The following HRH1 variants were observed in gnomAD, a reference collection of about 807,000 sequenced individuals.
The protein encoded by HRH1 is histamine receptor H1.
In HRH1, 6 loss-of-function variants were observed where a neutral mutation model predicts 10.3. The observed-to-expected ratio is 0.58, with a 90% CI of 0.32 to 1.15. HRH1 has a LOEUF of 1.15. HRH1 is among the 50% of genes most tolerant of loss of function. HRH1 has a pLI of 0.05. For missense variants in HRH1, 514 were observed against 615.3 expected, an observed-to-expected ratio of 0.84 and a Z score of 1.74; for synonymous variants, 242 against 236.7, an observed-to-expected ratio of 1.02 and a Z score of -0.21.
chr3:11,230,072 C>T (rs1341784358), intron 1 of HRH1, among the ~76,000 whole-genome samples: 8 of 151,998 alleles, frequency 5.3e-5, no homozygotes, highest in Non-Finnish European at 1.0e-4. Flanking sequence ...AGTCAGCCTC[C>T]AAAGGATGAA....
intron 1 of HRH1, among the ~76,000 whole-genome samples, chr3:11,146,329 T>C (rs1160949655): frequency 6.6e-6 from 1 of 152,188 alleles, no homozygotes; most frequent in Non-Finnish European, 1.5e-5. Flanking sequence ...TACCTCCCCC[T>C]GTTTTAGGCT....
At position 11,260,163 on chromosome 3, in the gene HRH1, T is replaced by C. The variant is rs1191535390; in HGVS notation, c.1126T>C (p.Leu376=). The part of the protein sequence containing the change: ...TTETAPGKGK[L]RSGSNTGLDY... Reference sequence around the variant, plus strand: ...AGAGACAGCACCAGGCAAAGGCAAATTGAGGAGTGGGTCTAACACAGGCCT... The same window carrying C: ...AGAGACAGCACCAGGCAAAGGCAAACTGAGGAGTGGGTCTAACACAGGCCT... Residue 376 remains leucine (L), a synonymous_variant, in exon 2 of 2, where the codon TTG becomes CTG. Transcript: ENST00000431010. The C allele has an allele frequency of 4.3e-6, 7 of 1,613,602 alleles. No individual in the cohort carries two copies. Among genetic ancestry groups the C allele is most frequent in the African/African-American group, 1.3e-5 (1 of 74,824 alleles).
intron 1 of HRH1, among the ~76,000 whole-genome samples, chr3:11,217,227 A>G (rs573892912): frequency 6.7e-6 from 1 of 148,648 alleles, no homozygotes; most frequent in African/African-American, 2.4e-5. Flanking sequence ...AAAAAAAAAA[A>G]CAGAAAGAAA....
At chr3:11,237,206 C>T (rs907163208) in intron 1 of HRH1, among the ~76,000 whole-genome samples, 1 of 152,190 alleles carries the variant, frequency 6.6e-6, no homozygotes, top group South Asian at 2.1e-4. Flanking sequence ...TTATTTAAAG[C>T]GTTTGTTTAT....
upstream of HRH1, among the ~76,000 whole-genome samples, chr3:11,153,225 T>A (rs1936686059): frequency 6.6e-6 from 1 of 152,224 alleles, no homozygotes; most frequent in African/African-American, 2.4e-5. Flanking sequence ...AAAATAGGGA[T>A]AATAATAGTT....
At chr3:11,164,596 C>G (rs2125009857) in intron 1 of HRH1, among the ~76,000 whole-genome samples, 1 of 152,314 alleles carries the variant, frequency 6.6e-6, no homozygotes, top group East Asian at 1.9e-4. Flanking sequence ...TACTTTTTCT[C>G]TGCCACGTAG....
chr3:11,143,091 G>A (rs960475566), intron 1 of HRH1, among the ~76,000 whole-genome samples: 1 of 152,150 alleles, frequency 6.6e-6, no homozygotes, highest in South Asian at 2.1e-4. Flanking sequence ...GAAAGGAGGT[G>A]AGGACAGAGG....
At chr3:11,254,418 G>A (rs936252540) in intron 1 of HRH1, among the ~76,000 whole-genome samples, 4 of 152,192 alleles carry the variant, frequency 2.6e-5, no homozygotes, top group African/African-American at 9.7e-5. Context: ...CACTTGCTCT[G>A]CACTCAATTG....
intron 1 of HRH1, among the ~76,000 whole-genome samples, chr3:11,194,304 G>A (rs1937601505): frequency 1.3e-5 from 2 of 152,146 alleles, no homozygotes; most frequent in Admixed American, 1.3e-4. Context: ...TTTCATTCCT[G>A]CAAGCCTAGC....
upstream of HRH1, among the ~76,000 whole-genome samples, chr3:11,150,491 T>C (rs1184899419): frequency 2.6e-5 from 4 of 152,282 alleles, no homozygotes; most frequent in East Asian, 7.7e-4. Flanking sequence ...CCGGGCTCCC[T>C]GCCCGGACAT....
intron 1 of HRH1, among the ~76,000 whole-genome samples, chr3:11,158,916 C>T (rs1936872397): frequency 6.6e-6 from 1 of 152,166 alleles, no homozygotes; most frequent in African/African-American, 2.4e-5. Flanking sequence ...CCTTTTTATT[C>T]TTGCCTTACT....
chr3:11,170,019 T>G (rs4684762), intron 1 of HRH1, among the ~76,000 whole-genome samples: 10,290 of 152,220 alleles, frequency 0.068, 593 homozygotes, highest in East Asian at 0.26. Flanking sequence ...TCGCTAGGAA[T>G]GCAGATTCCA....
intron 1 of HRH1, among the ~76,000 whole-genome samples, chr3:11,207,218 A>G (rs1938163519): frequency 6.6e-6 from 1 of 152,004 alleles, no homozygotes; most frequent in South Asian, 2.1e-4. Flanking sequence ...TCAGCCCTGA[A>G]GGCCAGGCTC....
chr3:11,232,929 A>G (rs1208436301), intron 1 of HRH1, among the ~76,000 whole-genome samples: 1 of 152,206 alleles, frequency 6.6e-6, no homozygotes, highest in Non-Finnish European at 1.5e-5. Flanking sequence ...TTCTTTCAGC[A>G]TCTGAAAAAT....
At chr3:11,241,252 A>G (rs1939328089) in intron 1 of HRH1, among the ~76,000 whole-genome samples, 1 of 150,526 alleles carries the variant, frequency 6.6e-6, no homozygotes, top group South Asian at 2.1e-4. Flanking sequence ...GTTAGTTAAC[A>G]GAATTGACAT....
At chr3:11,163,147 C>G (rs549392318) in intron 1 of HRH1, among the ~76,000 whole-genome samples, 1 of 152,106 alleles carries the variant, frequency 6.6e-6, no homozygotes, top group African/African-American at 2.4e-5. Flanking sequence ...TGCTGCACCG[C>G]GTGTTTCCCG....
rs1462410805 is a variant in HRH1, at chr3:11,263,423, A to ATGCC, written c.*2925_*2928dup. 4 of 167,134 alleles carry ATGCC rather than the reference A, an allele frequency of 2.4e-5. No homozygotes were observed. The Admixed American group carries it at 2.6e-4, about 11-fold the overall frequency. The allele number at this position is 167,134 out of a possible 1,614,324, so 10.4% of individuals were successfully genotyped here. ...TGCTGTTGGCAAGGCATGGTGGCTCATGCCTGTAATCCCAGCACACTGGGA... is the reference window on the plus strand; with the variant it reads ...TGCTGTTGGCAAGGCATGGTGGCTCATGCCTGCCTGTAATCCCAGCACACTGGGA... On this transcript the variant is annotated 3_prime_UTR_variant, in exon 2 of 2. Transcript: ENST00000431010.
chr3:11,231,305 G>T (rs568512618), intron 1 of HRH1, among the ~76,000 whole-genome samples: 1 of 151,418 alleles, frequency 6.6e-6, no homozygotes, highest in Admixed American at 6.6e-5. Context: ...TTCATGTTCA[G>T]TTTTTTTTTC....
chr3:11,150,035 G>A (rs954006499), upstream of HRH1, among the ~76,000 whole-genome samples: 7 of 152,192 alleles, frequency 4.6e-5, no homozygotes, highest in Non-Finnish European at 2.9e-5. Flanking sequence ...TTGCCAGAGA[G>A]AAAGATCAAC....
Sources: gnomAD v4.1 joint callset for allele counts (sites outside exome capture counted in the v4.1 genomes callset) on GRCh38, gnomAD v4.1.1 for gene constraint, MANE v1.5 for transcripts, NCBI Gene and HGNC (gene_info 2026-07-23, HGNC 2026-07-21) for gene names.